PRPS1: variants seen among roughly 807,000 people sequenced by gnomAD.
PRPS1 encodes phosphoribosyl pyrophosphate synthetase 1.
A neutral mutation model predicts 16.9 loss-of-function variants in PRPS1; 1 was observed. The ratio of observed to expected loss-of-function variants is 0.06; its 90% CI spans 0.02 to 0.28. The LOEUF (loss-of-function observed/expected upper bound fraction) is 0.28. Ranked by LOEUF, PRPS1 falls within the 10% of genes least tolerant of loss-of-function variation. The pLI, the probability that PRPS1 is intolerant of heterozygous loss-of-function variation, is 1.00. For synonymous variants in PRPS1, 70 were observed against 90.2 expected (o/e 0.78, Z 1.27); for missense variants, 47 against 254.0 (o/e 0.19, Z 5.54).
chrX:107,650,617 C>G lies in PRPS1; in HGVS notation c.*585C>G, dbSNP rs1207702700. 2 of 310,730 alleles carry G rather than the reference C, an allele frequency of 6.4e-6. No individual in the cohort carries two copies. The highest frequency in any genetic ancestry group is 1.1e-4 in the Admixed American group (2 of 18,417). 25.6% of individuals were successfully genotyped at this position (310,730 alleles called of 1,213,427 possible). On this transcript the variant is annotated 3_prime_UTR_variant, in exon 7 of 7. Transcript: ENST00000372435. The stretch of plus-strand genomic sequence containing the variant: ...CAAATGTTTCTTGGGAGGAAGAAGC[C>G]TGATCCATCACCATCTGCTTGACTA...
At chrX:107,640,865 T>G in intron 2 of PRPS1, 37 bp from the exon 3 acceptor site, 1 of 1,201,603 alleles carries the variant, frequency 8.3e-7, no homozygotes, top group Non-Finnish European at 1.1e-6. Flanking sequence ...TCAAATTGGC[T>G]TTTTGGTTTT....
At chrX:107,638,002 C>T (rs942439362) in intron 1 of PRPS1, among the ~76,000 whole-genome samples, 2 of 108,875 alleles carry the variant, frequency 1.8e-5, no homozygotes, top group African/African-American at 3.3e-5. Context: ...TGCAGAGGCA[C>T]GATCTCTGCT....
intron 4 of PRPS1, among the ~76,000 whole-genome samples, chrX:107,642,759 C>A (rs1925603902): frequency 9.0e-6 from 1 of 111,629 alleles, no homozygotes; most frequent in Non-Finnish European, 1.9e-5. Context: ...ACAGAGCTAG[C>A]AATACAGCTA....
intron 1 of PRPS1, among the ~76,000 whole-genome samples, chrX:107,634,601 G>GATT (rs1925386657): frequency 9.1e-6 from 1 of 110,126 alleles, no homozygotes; most frequent in Non-Finnish European, 1.9e-5. Context: ...ATATGCAATC[G>GATT]ATTATGTGGT....
rs777518408 is a variant in PRPS1 at position 107,646,438 on chromosome X, T to C, written c.704+1088T>C. Among the ~76,000 whole-genome samples, 5 of 111,923 alleles carry C rather than the reference T, an allele frequency of 4.5e-5. No individual in the cohort carries two copies. In the South Asian group the frequency reaches 1.9e-3, roughly 42 times the overall value. On this transcript the variant is annotated intron_variant, in intron 5 of 6. Coordinates refer to ENST00000372435, the MANE Select transcript of PRPS1 (RefSeq NM_002764.4). ...GCCCTGAGAATGGTTTTTTTAAACT[T>C]TCTTGTGTCTGTGCCTTGCACAGTG...
intron 1 of PRPS1, among the ~76,000 whole-genome samples, chrX:107,629,706 C>G (rs1282440130): frequency 1.8e-5 from 2 of 112,014 alleles, no homozygotes; most frequent in Non-Finnish European, 3.8e-5. Flanking sequence ...AACTTGCTTC[C>G]TCGACTCCGA....
chrX:107,647,163 G>A (rs1040324601), intron 5 of PRPS1, among the ~76,000 whole-genome samples: 2 of 112,866 alleles, frequency 1.8e-5, no homozygotes, highest in African/African-American at 6.4e-5. Flanking sequence ...CTAGGGCAGA[G>A]CCCTTACAAT....
intron 3 of PRPS1, 176 bp downstream of exon 3, chrX:107,641,176 G>A: frequency 8.8e-7 from 1 of 1,135,580 alleles, no homozygotes; most frequent in South Asian, 2.0e-5. Context: ...CATTTCAGGT[G>A]GTTAGATAGG....
At chrX:107,631,647 C>A (rs1193159400) in intron 1 of PRPS1, among the ~76,000 whole-genome samples, 3 of 111,620 alleles carry the variant, frequency 2.7e-5, no homozygotes, top group African/African-American at 9.8e-5. Flanking sequence ...AAAAGTTGAA[C>A]AAATCTGTCT....
Position 107,628,604 on chromosome X carries a change from G to T in PRPS1, c.-25G>T. On this transcript the variant is annotated 5_prime_UTR_variant, in exon 1 of 7. Coordinates refer to ENST00000372435, the MANE Select transcript of PRPS1 (RefSeq NM_002764.4). ...TCTGCAGCAGCCGTGATCGCTTAGT[G>T]GAGTGCTTAGGGTAGTTGGCCAGGA... 1 of 1,211,607 alleles carries T rather than the reference G, an allele frequency of 8.3e-7. No homozygotes were observed. The highest frequency in any genetic ancestry group is 1.1e-6 in the Non-Finnish European group (1 of 895,512).
chrX:107,649,138 G>T (rs1925771545), intron 6 of PRPS1, among the ~76,000 whole-genome samples: 1 of 111,222 alleles, frequency 9.0e-6, no homozygotes, highest in South Asian at 3.7e-4. Flanking sequence ...AAGCTGGAGT[G>T]CAGTGGCCTG....
chrX:107,650,179 C>T lies in PRPS1; in HGVS notation c.*147C>T, dbSNP rs1239853471. ...TCAGGTATATTAGAGCTTATCCGAA[C>T]TGGGGAAAGACGGATTGAGATTAAC... On this transcript the variant is annotated 3_prime_UTR_variant, in exon 7 of 7. Transcript: ENST00000372435. The T allele has an allele frequency of 2.1e-5, 22 of 1,052,657 alleles. No homozygotes were observed. The highest frequency in any genetic ancestry group is 2.7e-5 in the Non-Finnish European group (21 of 783,042). 86.8% of individuals were successfully genotyped at this position (1,052,657 alleles called of 1,213,427 possible). A position where few individuals can be genotyped will look rare whatever the true frequency, so the allele number is the denominator to read the frequency against.
At chrX:107,644,742 G>A in intron 4 of PRPS1, among the ~76,000 whole-genome samples, 1 of 111,721 alleles carries the variant, frequency 9.0e-6, no homozygotes, top group East Asian at 2.8e-4. Flanking sequence ...CATTCTTCCA[G>A]CCCTGGGAAC....
chrX:107,634,453 G>T (rs1275037463), intron 1 of PRPS1, among the ~76,000 whole-genome samples: 1 of 105,333 alleles, frequency 9.5e-6, no homozygotes, highest in East Asian at 3.0e-4. Context: ...GGATGGTCTC[G>T]ATCTCCTGAC....
chrX:107,644,519 C>T (rs754055750), intron 4 of PRPS1, among the ~76,000 whole-genome samples: 16 of 112,054 alleles, frequency 1.4e-4, no homozygotes, highest in Non-Finnish European at 2.3e-4. Flanking sequence ...ATTCTTTCCT[C>T]ATTCCTTCTG....
intron 1 of PRPS1, among the ~76,000 whole-genome samples, chrX:107,638,270 C>T (rs1291411978): frequency 4.5e-5 from 5 of 111,318 alleles, no homozygotes; most frequent in African/African-American, 6.5e-5. Flanking sequence ...CCACCATGCA[C>T]GGCTGATTTT....
chrX:107,629,587 A>T (rs180981877), intron 1 of PRPS1, among the ~76,000 whole-genome samples: 5 of 112,221 alleles, frequency 4.5e-5, no homozygotes, highest in African/African-American at 1.3e-4. Flanking sequence ...AATTTAGGAA[A>T]CAATTTTATA....
At chrX:107,645,377 G>T in intron 5 of PRPS1, 27 bp downstream of exon 5, 2 of 1,210,667 alleles carry the variant, frequency 1.7e-6, no homozygotes, top group Non-Finnish European at 2.2e-6. Flanking sequence ...GGGGCTGGTA[G>T]TTAGAAGGAA....
intron 1 of PRPS1, among the ~76,000 whole-genome samples, chrX:107,629,692 G>A (rs1447368566): frequency 8.9e-6 from 1 of 112,022 alleles, no homozygotes; most frequent in African/African-American, 3.3e-5. Flanking sequence ...TGCCTTGCCA[G>A]TAAAACTTGC....
Sources: allele counts gnomAD v4.1 joint callset (sites outside exome capture counted in the v4.1 genomes callset), GRCh38; gene constraint gnomAD v4.1.1; transcripts MANE v1.5; gene names NCBI Gene and HGNC (gene_info 2026-07-23, HGNC 2026-07-21).